Variants in CDK14 observed in about 807,000 individuals in gnomAD.
CDK14 encodes cyclin dependent kinase 14, also known as cyclin-dependent kinase 14.
A neutral mutation model predicts 60.7 loss-of-function variants in CDK14; 34 were observed. That is an observed-to-expected ratio of 0.56 (90% CI 0.43 to 0.75). CDK14 has a LOEUF of 0.75. Among genes scored for constraint, CDK14 ranks in the 30% least tolerant of loss-of-function variants. The pLI, the probability that CDK14 is intolerant of heterozygous loss-of-function variation, is 0.00. For synonymous variants in CDK14, 197 were observed against 203.7 expected, an observed-to-expected ratio of 0.97 and a Z score of 0.28; for missense variants, 482 against 564.1, an observed-to-expected ratio of 0.85 and a Z score of 1.47.
intron 13 of CDK14, among the ~76,000 whole-genome samples, chr7:91,117,423 C>T (rs1799642079): frequency 6.6e-6 from 1 of 151,870 alleles, no homozygotes; most frequent in Non-Finnish European, 1.5e-5. Flanking sequence ...AGTCAGCTCT[C>T]ACTGTTTCTT....
At chr7:90,620,287 A>T (rs1799738828) in intron 2 of CDK14, among the ~76,000 whole-genome samples, 1 of 152,196 alleles carries the variant, frequency 6.6e-6, no homozygotes, top group African/African-American at 2.4e-5. Context: ...AACTCAGTTG[A>T]CTGGGCTGGG....
intron 14 of CDK14, among the ~76,000 whole-genome samples, chr7:91,156,290 C>T (rs1800979918): frequency 6.6e-6 from 1 of 152,114 alleles, no homozygotes; most frequent in East Asian, 1.9e-4. Flanking sequence ...TGATTTTTCC[C>T]CAAAATATGT....
intron 2 of CDK14, among the ~76,000 whole-genome samples, chr7:90,649,779 A>G (rs527569764): frequency 3.1e-4 from 47 of 152,186 alleles, no homozygotes; most frequent in African/African-American, 1.0e-3. Flanking sequence ...GTCCCTGCAA[A>G]GGACGTGAAC....
intron 6 of CDK14, among the ~76,000 whole-genome samples, chr7:90,887,526 T>C (rs1791984547): frequency 1.3e-5 from 2 of 152,204 alleles, no homozygotes; most frequent in South Asian, 4.1e-4. Flanking sequence ...GCCAGGAAGA[T>C]TTAGATATAC....
At chr7:90,648,128 C>A (rs28951075) in intron 2 of CDK14, among the ~76,000 whole-genome samples, 5,056 of 152,110 alleles carry the variant, frequency 0.033, 140 homozygotes, top group East Asian at 0.077. Flanking sequence ...TTGGGAGCAA[C>A]CTAGCTGGGT....
chr7:90,748,330 G>C (rs886777263), intron 4 of CDK14, among the ~76,000 whole-genome samples: 2 of 152,014 alleles, frequency 1.3e-5, no homozygotes, highest in African/African-American at 4.8e-5. Context: ...GCTCTCTGGG[G>C]GTCAGGGCAC....
intron 1 of CDK14, among the ~76,000 whole-genome samples, chr7:90,600,582 G>A (rs1024361992): frequency 3.3e-5 from 5 of 152,170 alleles, no homozygotes; most frequent in African/African-American, 1.2e-4. Context: ...GAACTTTGGG[G>A]TTTGTTACCT....
intron 2 of CDK14, among the ~76,000 whole-genome samples, chr7:90,719,571 T>A (rs1802369336): frequency 6.6e-6 from 1 of 152,170 alleles, no homozygotes; most frequent in African/African-American, 2.4e-5. Flanking sequence ...TTTCTAACAA[T>A]TTTTACTCAG....
At chr7:90,611,912 A>G (rs1217050167) in intron 2 of CDK14, among the ~76,000 whole-genome samples, 2 of 146,124 alleles carry the variant, frequency 1.4e-5, no homozygotes, top group African/African-American at 5.1e-5. Flanking sequence ...GGCTCACTGC[A>G]ACCTCCACCT....
chr7:91,046,684 G>C (rs918301466), intron 11 of CDK14, among the ~76,000 whole-genome samples: 1 of 151,712 alleles, frequency 6.6e-6, no homozygotes, highest in Non-Finnish European at 1.5e-5. Context: ...TCTCTTGCTG[G>C]TTGTTGTGTT....
rs143552268 is a variant in CDK14, at chr7:90,955,359, C to T, written c.827-338C>T. On this transcript the variant is annotated intron_variant, in intron 8 of 14. Transcript: ENST00000380050. ...TTTTCTCAGTTATTTGACCAAGGAA[C>T]CCTTTCTCACAATACTTATAAATCT... Among the ~76,000 whole-genome samples the T allele has an allele frequency of 3.7e-3, 560 of 152,228 alleles. 1 individual carries two copies. Among genetic ancestry groups the T allele is most frequent in the African/African-American group, 0.013 (523 of 41,550 alleles).
chr7:91,004,876 C>G (rs1457511204), intron 10 of CDK14, among the ~76,000 whole-genome samples: 2 of 152,136 alleles, frequency 1.3e-5, no homozygotes, highest in Admixed American at 6.5e-5. Context: ...GAACTATTTA[C>G]AAGGGATTTG....
chr7:91,114,616 C>A (rs1283207937), intron 13 of CDK14, among the ~76,000 whole-genome samples: 15 of 152,096 alleles, frequency 9.9e-5, no homozygotes. Context: ...CGTTAAACAT[C>A]AGGAGCAGTG....
intron 12 of CDK14, chr7:91,107,292 A>G (rs984062513): frequency 4.6e-5 from 7 of 152,204 alleles, no homozygotes; most frequent in African/African-American, 1.2e-4. Context: ...AAATAACCCT[A>G]TTGAGTGCTT....
intron 10 of CDK14, among the ~76,000 whole-genome samples, chr7:91,041,471 T>C (rs1461763271): frequency 2.0e-5 from 3 of 152,210 alleles, no homozygotes; most frequent in Non-Finnish European, 4.4e-5. Flanking sequence ...ACTTGCTTTA[T>C]GTCTGGCATT....
chr7:90,988,533 A>T (rs749817561), intron 10 of CDK14, among the ~76,000 whole-genome samples: 2 of 152,228 alleles, frequency 1.3e-5, no homozygotes, highest in Non-Finnish European at 2.9e-5. Flanking sequence ...CAGCAAATGC[A>T]TTCATCCAGG....
intron 6 of CDK14, among the ~76,000 whole-genome samples, chr7:90,891,210 T>A (rs1792113913): frequency 6.6e-6 from 1 of 152,208 alleles, no homozygotes; most frequent in South Asian, 2.1e-4. Context: ...TTAGAGTTTT[T>A]ATAATGGGTT....
chr7:90,897,606 G>A (rs1462760732), intron 6 of CDK14, among the ~76,000 whole-genome samples: 2 of 151,910 alleles, frequency 1.3e-5, no homozygotes, highest in Admixed American at 1.3e-4. Context: ...TTCTTTATTT[G>A]TCGTTCTCTG....
chr7:90,797,971 C>T (rs924101551), intron 5 of CDK14, among the ~76,000 whole-genome samples: 2 of 151,948 alleles, frequency 1.3e-5, no homozygotes, highest in Non-Finnish European at 2.9e-5. Flanking sequence ...TGTCACCCTA[C>T]TTGCAAAAAA....
Sources: gnomAD v4.1 joint callset for allele counts (sites outside exome capture counted in the v4.1 genomes callset) on GRCh38, gnomAD v4.1.1 for gene constraint, MANE v1.5 for transcripts, NCBI Gene and HGNC (gene_info 2026-07-23, HGNC 2026-07-21) for gene names.